The following TMEM37 variants were observed in gnomAD, a reference collection of about 807,000 sequenced individuals.
The protein encoded by TMEM37 is transmembrane protein 37, also known as voltage-dependent calcium channel gamma-like subunit.
In TMEM37, 12 loss-of-function variants were observed where a neutral mutation model predicts 11.0. The observed-to-expected ratio is 1.09, with a 90% CI of 0.70 to 1.76. TMEM37 has a LOEUF of 1.76. Ranked by LOEUF, TMEM37 falls within the 40% of genes most tolerant of loss-of-function variation. The probability of loss-of-function intolerance (pLI) is 0.00; values close to 1 mark genes in which losing one functional copy is unlikely to be tolerated. For missense variants in TMEM37, 203 were observed against 251.2 expected, an observed-to-expected ratio of 0.81 and a Z score of 1.30; for synonymous variants, 127 against 110.5, an observed-to-expected ratio of 1.15 and a Z score of -0.94.
intron 1 of TMEM37, among the ~76,000 whole-genome samples, chr2:119,436,420 G>A (rs147404758): frequency 4.6e-4 from 70 of 152,278 alleles, no homozygotes; most frequent in Non-Finnish European, 7.2e-4. Context: ...GTGTATCCTG[G>A]GGAGATGGAG....
chr2:119,435,666 G>T (rs891158431), intron 1 of TMEM37, among the ~76,000 whole-genome samples: 2 of 152,198 alleles, frequency 1.3e-5, no homozygotes, highest in Non-Finnish European at 2.9e-5. Context: ...GTGGTGGTGT[G>T]GGGGTAGGGG....
chr2:119,432,117 C>A (rs1248281881), intron 1 of TMEM37, 193 bp downstream of exon 1: 2 of 383,914 alleles, frequency 5.2e-6, no homozygotes, highest in Non-Finnish European at 9.1e-6. Flanking sequence ...CCTCGGGGGG[C>A]CTGCCTGCCT....
chr2:119,433,424 G>A (rs1682441772), intron 1 of TMEM37, among the ~76,000 whole-genome samples: 1 of 152,204 alleles, frequency 6.6e-6, no homozygotes, highest in Non-Finnish European at 1.5e-5. Context: ...GATGGTGATG[G>A]CCTCACCTGG....
intron 1 of TMEM37, among the ~76,000 whole-genome samples, chr2:119,435,283 T>C (rs1352648410): frequency 6.6e-6 from 1 of 152,170 alleles, no homozygotes; most frequent in Admixed American, 6.5e-5. Flanking sequence ...CACAGGAGTC[T>C]CCCAGAAGCA....
intron 1 of TMEM37, among the ~76,000 whole-genome samples, chr2:119,434,236 C>T (rs1682457148): frequency 6.6e-6 from 1 of 152,132 alleles, no homozygotes; most frequent in South Asian, 2.1e-4. Flanking sequence ...GCCTGTGGTG[C>T]TCCTCCTTTT....
Position 119,437,205 on chromosome 2 carries a change from A to G in TMEM37, c.338A>G (p.Gln113Arg), listed in dbSNP as rs996247985. ...IFGLEFLMVS[Q>R]LCEDKHSQCK... ...GGCCTGGAGTTCCTCATGGTGTCCC[A>G]GTTGTGCGAGGACAAACACTCACAG... is the stretch of plus-strand genomic sequence containing the variant. The change falls in exon 2 of 2, where the codon CAG becomes CGG. Residue 113 changes from glutamine (Q) to arginine (R), a missense_variant. Coordinates refer to ENST00000306406, the MANE Select transcript of TMEM37 (RefSeq NM_183240.3). The G allele has an allele frequency of 6.2e-7, 1 of 1,614,232 alleles. No homozygotes were observed. The highest frequency in any genetic ancestry group is 8.5e-7 in the Non-Finnish European group (1 of 1,180,050).
At chr2:119,430,813 G>A (rs1682377705), upstream of TMEM37, among the ~76,000 whole-genome samples, 1 of 152,080 alleles carries the variant, frequency 6.6e-6, no homozygotes, top group South Asian at 2.1e-4. Flanking sequence ...CCTTTTTGGC[G>A]GTAAAAGCTT....
At chr2:119,430,006 C>A, upstream of TMEM37, 1 of 1,546,418 alleles carries the variant, frequency 6.5e-7, no homozygotes, top group Non-Finnish European at 8.7e-7. Flanking sequence ...GATCCAGAAT[C>A]TCACCTGGGA....
chr2:119,433,870 G>A (rs1682449788), intron 1 of TMEM37, among the ~76,000 whole-genome samples: 1 of 152,082 alleles, frequency 6.6e-6, no homozygotes, highest in South Asian at 2.1e-4. Flanking sequence ...ATGCCGGGTG[G>A]TTAGGAATGA....
chr2:119,432,852 C>T (rs1682430961), intron 1 of TMEM37, among the ~76,000 whole-genome samples: 1 of 152,210 alleles, frequency 6.6e-6, no homozygotes. Flanking sequence ...GATTCAAACC[C>T]AGGGCTTTCT....
Position 119,437,330 on chromosome 2 carries a change from C to A in TMEM37, c.463C>A (p.Leu155Ile), listed in dbSNP as rs1682521422. ...GATCCTCCTCAGGAACCAAGTCACA[C>A]TCATCGGCTTCACCCTAATGTTTTG... ...FVILLRNQVTLIGFTLMFWCE... is the reference protein window; with the variant it reads ...FVILLRNQVTIIGFTLMFWCE... The change falls in exon 2 of 2, where the codon CTC becomes ATC. Residue 155 changes from leucine to isoleucine, a missense_variant. Physicochemically the swap from Leu to Ile is conservative, Grantham distance 5. Coordinates refer to ENST00000306406, the MANE Select transcript of TMEM37 (RefSeq NM_183240.3). The A allele has an allele frequency of 1.2e-6, 2 of 1,614,138 alleles. No homozygotes were observed. The highest frequency in any genetic ancestry group is 1.1e-5 in the South Asian group (1 of 91,082).
At chr2:119,436,859 T>A (rs772631472) in intron 1 of TMEM37, 30 bp from the exon 2 acceptor site, 1 of 1,581,266 alleles carries the variant, frequency 6.3e-7, no homozygotes, top group Non-Finnish European at 8.6e-7. Context: ...GGGCTGTGGC[T>A]GACAGGGTGC....
upstream of TMEM37, chr2:119,430,420 C>CT: frequency 2.1e-6 from 1 of 475,208 alleles, no homozygotes; most frequent in Middle Eastern, 3.4e-4. Flanking sequence ...GGAGTCCCAG[C>CT]TCTCCAGTGG....
At position 119,437,033 on chromosome 2, in the gene TMEM37, C is replaced by T. The variant is rs562031323; in HGVS notation, c.166C>T (p.Arg56Cys). 9.9e-6 allele frequency: 16 copies of T among 1,613,462 alleles called. No individual in the cohort carries two copies. The highest frequency in any genetic ancestry group is 1.6e-4 in the Middle Eastern group (1 of 6,084). The stretch of plus-strand genomic sequence containing the variant: ...TGGGCACTGGCTCCTGGCTGAGGAC[C>T]GCCTCTTCGGGCTCTGGCACTTCTG... The part of the protein sequence containing the change: ...CDGHWLLAED[R>C]LFGLWHFCTT... The change falls in exon 2 of 2, where the codon CGC becomes TGC. Residue 56 changes from arginine (R) to cysteine (C), a missense_variant. Arg to Cys is a radical substitution (Grantham distance 180). Transcript: ENST00000306406.
chr2:119,436,714 G>T (rs1386650492), intron 1 of TMEM37, among the ~76,000 whole-genome samples, 175 bp from the exon 2 acceptor site: 1 of 152,172 alleles, frequency 6.6e-6, no homozygotes, highest in East Asian at 1.9e-4. Context: ...GGTCTGGAAG[G>T]GAGGAAGGGT....
chr2:119,432,870 A>G (rs1354294840), intron 1 of TMEM37, among the ~76,000 whole-genome samples: 1 of 152,166 alleles, frequency 6.6e-6, no homozygotes, highest in Non-Finnish European at 1.5e-5. Flanking sequence ...TCTGGCTCCA[A>G]ATCCCACTGG....
upstream of TMEM37, chr2:119,431,733 C>T (rs975925213): frequency 4.8e-5 from 23 of 478,548 alleles, no homozygotes; most frequent in African/African-American, 4.3e-4. Context: ...CGGAGGGCGG[C>T]GGGGTTGGCG....
chr2:119,437,838 G>C lies in TMEM37; in HGVS notation c.*398G>C. On this transcript the variant is annotated 3_prime_UTR_variant, in exon 2 of 2. Transcript: ENST00000306406. Reference sequence around the variant, plus strand: ...ATGCCTGTTTCATTGACACGTGCTGGGATAGGGGCTGCAGAATCCCTGGGG... The same window carrying C: ...ATGCCTGTTTCATTGACACGTGCTGCGATAGGGGCTGCAGAATCCCTGGGG... 5.1e-6 allele frequency: 1 copy of C among 194,666 alleles called. No individual in the cohort carries two copies. Among genetic ancestry groups the C allele is most frequent in the Admixed American group, 5.4e-5 (1 of 18,544 alleles). 12.1% of individuals were successfully genotyped at this position (194,666 alleles called of 1,614,324 possible).
At chr2:119,436,821 C>A in intron 1 of TMEM37, 68 bp from the exon 2 acceptor site, 1 of 1,325,466 alleles carries the variant, frequency 7.5e-7, no homozygotes, top group Non-Finnish European at 1.1e-6. Context: ...CAGGGGTCTT[C>A]CCTGCAGAGG....
Sources: gnomAD v4.1 joint callset for allele counts (sites outside exome capture counted in the v4.1 genomes callset) on GRCh38, gnomAD v4.1.1 for gene constraint, MANE v1.5 for transcripts, NCBI Gene and HGNC (gene_info 2026-07-23, HGNC 2026-07-21) for gene names.